PC: variants seen among roughly 807,000 people sequenced by gnomAD.
The protein encoded by PC is pyruvate carboxylase, also known as pyruvate carboxylase, mitochondrial.
Under a neutral mutation model 107.8 loss-of-function variants are expected in PC, and 46 were observed. The ratio of observed to expected loss-of-function variants is 0.43; its 90% CI spans 0.34 to 0.55. PC has a LOEUF of 0.55. Among genes scored for constraint, PC ranks in the 20% least tolerant of loss-of-function variants. PC has a pLI of 0.04. For missense variants in PC, 1,241 were observed against 1,643.1 expected (o/e 0.76, Z 4.23); for synonymous variants, 662 against 684.7 (o/e 0.97, Z 0.52).
At chr11:66,898,356 T>C (rs565163290) in intron 3 of PC, among the ~76,000 whole-genome samples, 2 of 152,304 alleles carry the variant, frequency 1.3e-5, no homozygotes, top group East Asian at 3.9e-4. Flanking sequence ...TGAGATACAA[T>C]TCACATACCA....
intron 3 of PC, among the ~76,000 whole-genome samples, chr11:66,899,032 G>A (rs1191447502): frequency 3.3e-5 from 5 of 152,008 alleles, no homozygotes; most frequent in South Asian, 2.1e-4. Flanking sequence ...CACCATGCCC[G>A]GCTAATTTTG....
At chr11:66,955,790 T>G (rs1446604229) in intron 1 of PC, among the ~76,000 whole-genome samples, 1 of 142,276 alleles carries the variant, frequency 7.0e-6, no homozygotes, top group African/African-American at 3.1e-5. Flanking sequence ...TCTTTTTTTT[T>G]GACAGGGAGT....
chr11:66,884,100 C>T (rs1298701691), intron 3 of PC, among the ~76,000 whole-genome samples: 2 of 152,006 alleles, frequency 1.3e-5, no homozygotes, highest in Non-Finnish European at 2.9e-5. Flanking sequence ...CAAAATTAGC[C>T]GGGCATGGTG....
chr11:66,872,464 C>T (rs1946775695), intron 3 of PC, among the ~76,000 whole-genome samples: 1 of 152,108 alleles, frequency 6.6e-6, no homozygotes, highest in Non-Finnish European at 1.5e-5. Context: ...GTAGTTAAGA[C>T]TACAGGTGTG....
chr11:66,921,712 G>A (rs1262284963), intron 3 of PC, among the ~76,000 whole-genome samples: 2 of 152,088 alleles, frequency 1.3e-5, no homozygotes, highest in Non-Finnish European at 2.9e-5. Flanking sequence ...TCAAGGTAAC[G>A]CCTTTTACCT....
intron 12 of PC, among the ~76,000 whole-genome samples, chr11:66,853,968 T>C (rs1945660918): frequency 6.6e-6 from 1 of 152,194 alleles, no homozygotes; most frequent in Non-Finnish European, 1.5e-5. Context: ...TGCAACTGCC[T>C]CCCGGGCCTT....
intron 1 of PC, among the ~76,000 whole-genome samples, chr11:66,956,301 C>T: frequency 6.6e-6 from 1 of 151,966 alleles, no homozygotes; most frequent in East Asian, 2.0e-4. Context: ...ACCTCTGTAA[C>T]TGGCCAGGCA....
At chr11:66,860,326 G>A (rs1201477604) in intron 12 of PC, 8 of 1,333,270 alleles carry the variant, frequency 6.0e-6, no homozygotes, top group Non-Finnish European at 8.3e-6. Flanking sequence ...TGTACTTGGA[G>A]GGGCAGGGAG....
chr11:66,911,921 T>C (rs1948343594), intron 3 of PC, among the ~76,000 whole-genome samples: 1 of 151,694 alleles, frequency 6.6e-6, no homozygotes, highest in Non-Finnish European at 1.5e-5. Context: ...AAATTCCAGC[T>C]ACTCGGAAGG....
At chr11:66,881,743 C>T (rs1489610903) in intron 3 of PC, among the ~76,000 whole-genome samples, 1 of 152,240 alleles carries the variant, frequency 6.6e-6, no homozygotes, top group Non-Finnish European at 1.5e-5. Context: ...CACAGCCCCT[C>T]ATCACCTCCC....
chr11:66,851,314 A>AC (rs746828915), intron 16 of PC, 34 bp from the exon 17 acceptor site: 9 of 1,599,270 alleles, frequency 5.6e-6, no homozygotes, highest in African/African-American at 1.3e-5. Flanking sequence ...GCTGAGCCCC[A>AC]CCCCACCTCC....
intron 12 of PC, chr11:66,859,987 C>A (rs2135878943): frequency 6.3e-7 from 1 of 1,598,736 alleles, no homozygotes; most frequent in East Asian, 2.3e-5. Context: ...CCCAGCCCCA[C>A]ACCCAAGGCC....
Position 66,860,563 on chromosome 11 carries a change from C to T in PC, c.1368+3211G>A, listed in dbSNP as rs1406209781. On this transcript the variant is annotated intron_variant, in intron 12 of 22. Transcript: ENST00000393960. The stretch of plus-strand genomic sequence containing the variant: ...TGGTGGCACACGGACAAGGGTGGGG[C>T]TACCAGGGCCGGTGGGGGCAGTCAC... 3 of 701,554 alleles carry T rather than the reference C, an allele frequency of 4.3e-6. No individual in the cohort carries two copies. In the East Asian group the frequency reaches 8.1e-5, roughly 19 times the overall value. The allele number at this position is 701,554 out of a possible 1,614,324, so 43.5% of individuals were successfully genotyped here. A position where few individuals can be genotyped will look rare whatever the true frequency, so the allele number is the denominator to read the frequency against.
chr11:66,891,242 T>G (rs1351868230), intron 3 of PC, among the ~76,000 whole-genome samples: 1 of 151,728 alleles, frequency 6.6e-6, no homozygotes, highest in Non-Finnish European at 1.5e-5. Flanking sequence ...GTATTTTTAG[T>G]AGAGACAGGG....
At chr11:66,928,717 G>A (rs1948778447) in intron 3 of PC, among the ~76,000 whole-genome samples, 2 of 151,860 alleles carry the variant, frequency 1.3e-5, no homozygotes, top group Admixed American at 1.3e-4. Context: ...TATAGACGGG[G>A]TTTCTCCATG....
At chr11:66,936,837 T>G (rs945060711) in intron 3 of PC, among the ~76,000 whole-genome samples, 1 of 152,028 alleles carries the variant, frequency 6.6e-6, no homozygotes, top group African/African-American at 2.4e-5. Context: ...AAGATAGGTC[T>G]TCTTTTTTTT....
intron 3 of PC, among the ~76,000 whole-genome samples, chr11:66,908,678 G>A (rs904750801): frequency 6.6e-6 from 1 of 152,098 alleles, no homozygotes; most frequent in Non-Finnish European, 1.5e-5. Context: ...CTAATTGGTC[G>A]GAGGTCTTGC....
rs754113084 is a variant in PC, at chr11:66,851,836, C to T, written c.1936G>A (p.Ala646Thr). ...NIPFQMLLRG[A>T]NAVGYTNYPD... is the part of the protein sequence containing the mutation. ...TAGTTGGTGTAGCCCACAGCATTGG[C>T]CCCCCGCAGCAGCATCTGGAAAGGG... is the stretch of plus-strand genomic sequence containing the variant. The change falls in exon 16 of 23, where the codon GCC becomes ACC. Residue 646 changes from alanine to threonine, a missense_variant. By Grantham distance (58) the Ala-to-Thr change is moderately conservative. Around this residue, in one of 2 missense-constraint regions of PC, gnomAD observed 1,143 missense variants for 1,551.9 expected, o/e 0.74. Coordinates refer to ENST00000393960, the MANE Select transcript of PC (RefSeq NM_001040716.2). The T allele has an allele frequency of 6.2e-7, 1 of 1,614,082 alleles. No individual in the cohort carries two copies. The highest frequency in any genetic ancestry group is 8.5e-7 in the Non-Finnish European group (1 of 1,179,976).
At chr11:66,850,637 T>G in intron 18 of PC, 37 bp downstream of exon 18, 2 of 1,603,572 alleles carry the variant, frequency 1.2e-6, no homozygotes, top group South Asian at 1.1e-5. Flanking sequence ...GCTGCGGCTT[T>G]GAGAGGGGTG....
Sources: gnomAD v4.1 joint callset for allele counts (sites outside exome capture counted in the v4.1 genomes callset) on GRCh38, gnomAD v4.1.1 for gene constraint, gnomAD v4.1.1 regional missense constraint, MANE v1.5 for transcripts, NCBI Gene and HGNC (gene_info 2026-07-23, HGNC 2026-07-21) for gene names.